Variants in RGL1 observed in about 807,000 individuals in gnomAD.
The protein encoded by RGL1 is ral guanine nucleotide dissociation stimulator-like 1.
A neutral mutation model predicts 95.2 loss-of-function variants in RGL1; 24 were observed. That is an observed-to-expected ratio of 0.25 (90% CI 0.18 to 0.35). RGL1 has a LOEUF of 0.35. Ranked by LOEUF, RGL1 falls within the 10% of genes least tolerant of loss-of-function variation. RGL1 has a pLI of 1.00. For synonymous variants in RGL1, 329 were observed against 344.9 expected, an observed-to-expected ratio of 0.95 and a Z score of 0.51; for missense variants, 715 against 936.3, an observed-to-expected ratio of 0.76 and a Z score of 3.08.
At chr1:183,773,717 T>C (rs1464634782) in intron 2 of RGL1, among the ~76,000 whole-genome samples, 3 of 152,240 alleles carry the variant, frequency 2.0e-5, no homozygotes, top group African/African-American at 7.2e-5. Flanking sequence ...TGATTTACCC[T>C]TGTGGTCAGG....
chr1:183,745,209 T>C (rs547798746), intron 2 of RGL1, among the ~76,000 whole-genome samples: 1 of 152,312 alleles, frequency 6.6e-6, no homozygotes, highest in South Asian at 2.1e-4. Context: ...TTTCTTTTCA[T>C]TGGGTCATTT....
Position 183,910,834 on chromosome 1 carries a change from G to A in RGL1, c.1563-1248G>A, listed in dbSNP as rs955369683. Among the ~76,000 whole-genome samples, 64 of 152,026 alleles carry A rather than the reference G, an allele frequency of 4.2e-4. 1 individual carries two copies. Among genetic ancestry groups the A allele is most frequent in the East Asian group, 1.9e-4 (1 of 5,196 alleles). On this transcript the variant is annotated intron_variant, in intron 14 of 17. Coordinates refer to ENST00000360851, the MANE Select transcript of RGL1 (RefSeq NM_001297671.3). ...ATTAGGATGTCTTGCTCTGAGCTCC[G>A]GTTTTCAATTTCTTCTTTTATGTCT...
intron 2 of RGL1, among the ~76,000 whole-genome samples, chr1:183,747,675 G>A (rs1045092129): frequency 6.6e-6 from 1 of 152,142 alleles, no homozygotes; most frequent in Non-Finnish European, 1.5e-5. Flanking sequence ...TGCATTCCAG[G>A]GATGAAGCCA....
rs1210987226 is a variant in RGL1, at chr1:183,717,765, A to T, written c.-32-24361A>T. Reference sequence around the variant, plus strand: ...AAACAAGTAAATTAGCAAAAGTGCAAGATAATTTTAGACCATGATAAATGC... The same window carrying T: ...AAACAAGTAAATTAGCAAAAGTGCATGATAATTTTAGACCATGATAAATGC... On this transcript the variant is annotated intron_variant, in intron 1 of 18. Coordinates refer to the RGL1 transcript ENST00000304685. Among the ~76,000 whole-genome samples the T allele has an allele frequency of 3.9e-5, 6 of 152,350 alleles. No homozygotes were observed. In the East Asian group the frequency reaches 1.2e-3, roughly 29 times the overall value.
At chr1:183,669,669 G>C (rs1470175923) in intron 1 of RGL1, among the ~76,000 whole-genome samples, 1 of 152,166 alleles carries the variant, frequency 6.6e-6, no homozygotes, top group Non-Finnish European at 1.5e-5. Context: ...GGAAGAAGGG[G>C]AAGTGTATTA....
chr1:183,875,898 G>A (rs1034988675), intron 4 of RGL1, among the ~76,000 whole-genome samples: 4 of 143,628 alleles, frequency 2.8e-5, no homozygotes, highest in African/African-American at 7.7e-5. Flanking sequence ...AAAAATCAAT[G>A]AGTATAGCAG....
chr1:183,661,245 T>C (rs1453952586), intron 1 of RGL1, among the ~76,000 whole-genome samples: 2 of 152,114 alleles, frequency 1.3e-5, no homozygotes, highest in Non-Finnish European at 2.9e-5. Flanking sequence ...CAAAAAACCC[T>C]TCAAAAAATT....
chr1:183,834,122 T>C lies in RGL1; in HGVS notation c.139-13444T>C, dbSNP rs114381793. 7.2e-3 allele frequency among the ~76,000 whole-genome samples: 1,102 copies of C among 152,194 alleles called. 23 individuals carry two copies. The highest frequency in any genetic ancestry group is 0.026 in the African/African-American group (1,063 of 41,522). ...TTATTTAATTGTAGAGGAGGTGCAT[T>C]TATCTGTATGAGTTGGCGTCTTATC... On this transcript the variant is annotated intron_variant, in intron 2 of 17. Coordinates refer to ENST00000360851, the MANE Select transcript of RGL1 (RefSeq NM_001297671.3).
intron 2 of RGL1, among the ~76,000 whole-genome samples, chr1:183,816,125 C>T (rs1181180401): frequency 2.0e-5 from 3 of 152,178 alleles, no homozygotes; most frequent in Non-Finnish European, 4.4e-5. Context: ...TAATGAAAGA[C>T]TGCATTATTC....
intron 2 of RGL1, among the ~76,000 whole-genome samples, chr1:183,832,090 G>A (rs1374250026): frequency 6.6e-6 from 1 of 152,164 alleles, no homozygotes; most frequent in African/African-American, 2.4e-5. Flanking sequence ...TGGTTGAAGT[G>A]ATAAGACTAG....
At chr1:183,816,477 T>C (rs1418101172) in intron 2 of RGL1, among the ~76,000 whole-genome samples, 1 of 152,202 alleles carries the variant, frequency 6.6e-6, no homozygotes, top group Non-Finnish European at 1.5e-5. Flanking sequence ...TGAGCCCCAC[T>C]GCCTCAGCCA....
intron 9 of RGL1, among the ~76,000 whole-genome samples, chr1:183,895,970 G>A (rs1667676902): frequency 6.6e-6 from 1 of 152,128 alleles, no homozygotes; most frequent in Non-Finnish European, 1.5e-5. Context: ...GTTATTCTGT[G>A]ATTCTTAGGA....
intron 13 of RGL1, among the ~76,000 whole-genome samples, chr1:183,905,916 T>G (rs534967772): frequency 6.6e-6 from 1 of 152,346 alleles, no homozygotes; most frequent in Admixed American, 6.5e-5. Flanking sequence ...CCCGTTCATT[T>G]ACATCTCATC....
intron 1 of RGL1, among the ~76,000 whole-genome samples, chr1:183,723,486 G>C (rs1057311820): frequency 6.6e-6 from 1 of 152,210 alleles, no homozygotes; most frequent in Admixed American, 6.5e-5. Context: ...ATAGCAAAGA[G>C]AATCTGTGCT....
At chr1:183,895,288 G>A (rs1012104261) in intron 9 of RGL1, among the ~76,000 whole-genome samples, 1 of 152,124 alleles carries the variant, frequency 6.6e-6, no homozygotes, top group Admixed American at 6.6e-5. Flanking sequence ...TAGTAGAAGA[G>A]GGCCCTCTGA....
chr1:183,753,527 A>C (rs973684912), intron 2 of RGL1, among the ~76,000 whole-genome samples: 1 of 152,196 alleles, frequency 6.6e-6, no homozygotes, highest in African/African-American at 2.4e-5. Flanking sequence ...GAGTGTCAAC[A>C]TGTTTGTTTT....
At position 183,647,763 on chromosome 1, in the gene RGL1, C is replaced by T. The variant is rs2101989518; in HGVS notation, c.-33+11262C>T. 2.5e-6 allele frequency: 4 copies of T among 1,614,178 alleles called. No individual in the cohort carries two copies. The East Asian group carries it at 8.9e-5, about 36-fold the overall frequency. On this transcript the variant is annotated intron_variant, in intron 1 of 18. Coordinates refer to the RGL1 transcript ENST00000304685. ...TGTGATTTCCACTATCTCCACTGACCTTCCAGTGGGAAGCCTTCCAAGGTC... is the reference window on the plus strand; with the variant it reads ...TGTGATTTCCACTATCTCCACTGACTTTCCAGTGGGAAGCCTTCCAAGGTC...
chr1:183,816,108 C>T (rs1662069402), intron 2 of RGL1, among the ~76,000 whole-genome samples: 1 of 152,196 alleles, frequency 6.6e-6, no homozygotes. Flanking sequence ...CTCTCTGGCT[C>T]CTTGCATAAT....
At chr1:183,675,293 GT>G (rs148032153) in intron 1 of RGL1, among the ~76,000 whole-genome samples, 5,890 of 146,410 alleles carry the variant, frequency 0.04, 260 homozygotes, top group African/African-American at 0.11. Flanking sequence ...ATTCTATATG[GT>G]TTTTTTTTTT....
Sources: gnomAD v4.1 joint callset for allele counts (sites outside exome capture counted in the v4.1 genomes callset) on GRCh38, gnomAD v4.1.1 for gene constraint, MANE v1.5 for transcripts, NCBI Gene and HGNC (gene_info 2026-07-23, HGNC 2026-07-21) for gene names.